Variants in DFFA observed in about 807,000 individuals in gnomAD.
DFFA encodes DNA fragmentation factor subunit alpha.
DFFA carries 14 observed loss-of-function variants against 28.0 expected under a neutral mutation model. The ratio of observed to expected loss-of-function variants is 0.50; its 90% CI spans 0.33 to 0.78. DFFA has a LOEUF of 0.78. Among genes scored for constraint, DFFA ranks in the 30% least tolerant of loss-of-function variants. DFFA has a pLI of 0.02. For missense variants in DFFA, 395 were observed against 407.1 expected (o/e 0.97, Z 0.26); for synonymous variants, 158 against 170.3 (o/e 0.93, Z 0.56).
chr1:10,463,354 C>T lies in DFFA; in HGVS notation c.631+77G>A. ...GCGGCTTCAGTGGCCCTGGCTACAT[C>T]ACAAATAGTGTCCTCCCAAGGGACG... On this transcript the variant is annotated intron_variant, in intron 4 of 5. Transcript: ENST00000377038. 3 of 1,554,908 alleles carry T rather than the reference C, an allele frequency of 1.9e-6. No individual in the cohort carries two copies. In the East Asian group the frequency reaches 6.8e-5, roughly 35 times the overall value.
At chr1:10,466,106 C>A (rs921253593) in intron 3 of DFFA, among the ~76,000 whole-genome samples, 13 of 152,046 alleles carry the variant, frequency 8.6e-5, no homozygotes, top group African/African-American at 4.8e-5. Flanking sequence ...TATGATCATG[C>A]CACTGCACTG....
chr1:10,460,091 A>G lies in DFFA; in HGVS notation c.*1399T>C, dbSNP rs1640905675. Reference sequence around the variant, plus strand: ...AAAACCCTGTCTCTACTAAAAATACAAAAATTAGCCGGGCATGGTGGCACG... The same window carrying G: ...AAAACCCTGTCTCTACTAAAAATACGAAAATTAGCCGGGCATGGTGGCACG... On this transcript the variant is annotated 3_prime_UTR_variant, in exon 6 of 6. Coordinates refer to ENST00000377038, the MANE Select transcript of DFFA (RefSeq NM_004401.3). 1 of 151,704 alleles carries G rather than the reference A, an allele frequency of 6.6e-6. No homozygotes were observed. Among genetic ancestry groups the G allele is most frequent in the Non-Finnish European group, 1.5e-5 (1 of 67,980 alleles). 9.4% of individuals were successfully genotyped at this position (151,704 alleles called of 1,614,324 possible). A position where few individuals can be genotyped will look rare whatever the true frequency, so the allele number is the denominator to read the frequency against.
intron 1 of DFFA, among the ~76,000 whole-genome samples, chr1:10,470,956 G>A (rs1279130219): frequency 2.7e-5 from 4 of 150,236 alleles, no homozygotes; most frequent in Admixed American, 6.6e-5. Flanking sequence ...CCAGCTACTC[G>A]GGAGGCTGAA....
intron 5 of DFFA, chr1:10,461,979 T>A (rs551300586): frequency 2.0e-6 from 1 of 509,320 alleles, no homozygotes; most frequent in Non-Finnish European, 2.5e-6. Context: ...CTCAGCCCCC[T>A]GAGTAGCTGG....
At chr1:10,462,141 A>G (rs567056631) in intron 5 of DFFA, among the ~76,000 whole-genome samples, 1 of 151,748 alleles carries the variant, frequency 6.6e-6, no homozygotes, top group Admixed American at 6.6e-5. Context: ...TACAGGCGTG[A>G]GCCACCGCGC....
rs1409576055 is a variant in DFFA, at chr1:10,461,154, C to T, written c.*336G>A. The T allele has an allele frequency of 9.6e-6, 2 of 208,056 alleles. No homozygotes were observed. The highest frequency in any genetic ancestry group is 2.0e-5 in the Non-Finnish European group (2 of 101,088). 12.9% of individuals were successfully genotyped at this position (208,056 alleles called of 1,614,324 possible). A position where few individuals can be genotyped will look rare whatever the true frequency, so the allele number is the denominator to read the frequency against. On this transcript the variant is annotated 3_prime_UTR_variant, in exon 6 of 6. Transcript: ENST00000377038. ...CTCGATCTCCTGACTTCACGATCCG[C>T]CCCCCTCGGCCTCCCAGTGCTGGGA...
chr1:10,470,213 A>C (rs913553861), intron 1 of DFFA, among the ~76,000 whole-genome samples: 7 of 152,162 alleles, frequency 4.6e-5, no homozygotes, highest in South Asian at 2.1e-4. Context: ...AGGCTCAGAG[A>C]GGTTAAGTAA....
rs1640870173 is a variant in DFFA at position 10,456,995 on chromosome 1, G to GTAAT, written c.*4494_*4495insATTA. The GTAAT allele has an allele frequency of 6.6e-6, 1 of 152,160 alleles. No homozygotes were observed. 9.4% of individuals were successfully genotyped at this position (152,160 alleles called of 1,614,324 possible). ...TGTGACCACGTTCATTACACATCTGGGATAGAGCTCTGACTCTTTGATAGA... is the reference window on the plus strand; with the variant it reads ...TGTGACCACGTTCATTACACATCTGGTAATGATAGAGCTCTGACTCTTTGATAGA... On this transcript the variant is annotated 3_prime_UTR_variant, in exon 6 of 6. Transcript: ENST00000377038.
At position 10,463,093 on chromosome 1, in the gene DFFA, C is replaced by T; in HGVS notation, c.748G>A (p.Ala250Thr). ...TGACTAGATAAGCTCAGCTCTGGAG[C>T]CTGCTTCTCCCTCAGTGCAGTAAGG... ...HILTALREKQ[A>T]PELSLSSQDL... Residue 250 changes from alanine to threonine, a missense_variant, in exon 5 of 6, where the codon GCT becomes ACT. Transcript: ENST00000377038. 3 of 1,614,128 alleles carry T rather than the reference C, an allele frequency of 1.9e-6. No homozygotes were observed. The highest frequency in any genetic ancestry group is 8.5e-7 in the Non-Finnish European group (1 of 1,180,030).
chr1:10,472,221 C>G lies in DFFA; in HGVS notation c.136+102G>C. The G allele has an allele frequency of 7.1e-7, 1 of 1,401,904 alleles. No individual in the cohort carries two copies. The highest frequency in any genetic ancestry group is 9.5e-7 in the Non-Finnish European group (1 of 1,052,560). 86.8% of individuals were successfully genotyped at this position (1,401,904 alleles called of 1,614,324 possible). A position where few individuals can be genotyped will look rare whatever the true frequency, so the allele number is the denominator to read the frequency against. ...CTGTCCCAAGCCTCCACCCGAGATA[C>G]AAGAATCCCCAAGTCGCCTCTCCTG... On this transcript the variant is annotated intron_variant, in intron 1 of 5. Transcript: ENST00000377038. This position sits in a 1 kb window ranked among gnomAD's most constrained non-coding sequence, Gnocchi z 5.0.
intron 3 of DFFA, 149 bp from the exon 4 acceptor site, chr1:10,463,769 A>G (rs2124341482): frequency 2.8e-6 from 2 of 711,508 alleles, no homozygotes; most frequent in Non-Finnish European, 4.3e-6. Context: ...GGTTCAAGCA[A>G]TTTTCCTGCC....
At position 10,469,317 on chromosome 1, in the gene DFFA, T is replaced by C. The variant is rs1338716319; in HGVS notation, c.158A>G (p.Asp53Gly). The C allele has an allele frequency of 5.0e-6, 8 of 1,613,764 alleles. No homozygotes were observed. Among genetic ancestry groups the C allele is most frequent in the Admixed American group, 1.7e-5 (1 of 59,902 alleles). The change falls in exon 2 of 6, where the codon GAT (aspartate) becomes GGT (glycine). Residue 53 changes from aspartate to glycine, a missense_variant. Physicochemically the swap from Asp to Gly is moderately conservative, Grantham distance 94 (BLOSUM62 -1). Transcript: ENST00000377038. ...CAGGGTGACTGGTGTCAGGGACTTA[T>C]CAATGGCCAGAATGTCACAGGCTGA... ...RSKACDILAI[D>G]KSLTPVTLVL...
intron 1 of DFFA, among the ~76,000 whole-genome samples, chr1:10,470,795 G>A (rs1641086952): frequency 6.7e-6 from 1 of 148,974 alleles, no homozygotes; most frequent in Non-Finnish European, 1.5e-5. Flanking sequence ...CAGGCACGGT[G>A]GCTCACGTCT....
chr1:10,462,363 C>T, intron 5 of DFFA: 4 of 915,384 alleles, frequency 4.4e-6, no homozygotes, highest in Non-Finnish European at 5.2e-6. Flanking sequence ...AACTCCTGAC[C>T]TCAGGTGATC....
At chr1:10,468,345 C>T (rs1641049935) in intron 2 of DFFA, among the ~76,000 whole-genome samples, 1 of 150,992 alleles carries the variant, frequency 6.6e-6, no homozygotes, top group South Asian at 2.1e-4. Context: ...CAGGAGACAT[C>T]TGACAATATC....
In DFFA at chr1:10,463,553, C is replaced by T. The variant is rs760334483; in HGVS notation, c.509G>A (p.Arg170Gln). The T allele has an allele frequency of 1.7e-5, 27 of 1,614,066 alleles. No individual in the cohort carries two copies. Among genetic ancestry groups the T allele is most frequent in the Admixed American group, 1.0e-4 (6 of 59,998 alleles). Reference protein sequence around the residue: ...ELRQSCATVQRLQHTLQQVLD... With the variant: ...ELRQSCATVQQLQHTLQQVLD... ...CACCTGTTGGAGTGTGTGCTGCAGC[C>T]GCTGGACGGTGGCACAACTCTGACG... is the stretch of plus-strand genomic sequence containing the variant. The change falls in exon 4 of 6, where the codon CGG (arginine) becomes CAG (glutamine). Residue 170 changes from arginine to glutamine, a missense_variant. Arg to Gln is a conservative substitution (Grantham distance 43). Transcript: ENST00000377038.
intron 3 of DFFA, among the ~76,000 whole-genome samples, 190 bp downstream of exon 3, chr1:10,467,000 G>A (rs934289650): frequency 6.7e-6 from 1 of 148,250 alleles, no homozygotes; most frequent in Non-Finnish European, 1.5e-5. Context: ...ATTCTGCTTC[G>A]TGACGAGGGT....
At chr1:10,471,857 C>A (rs1466173469) in intron 1 of DFFA, among the ~76,000 whole-genome samples, 1 of 152,198 alleles carries the variant, frequency 6.6e-6, no homozygotes, top group African/African-American at 2.4e-5. Flanking sequence ...CCGTCACTTA[C>A]AACTCACGTT....
chr1:10,464,326 T>A (rs1640993594), intron 3 of DFFA, among the ~76,000 whole-genome samples: 2 of 149,684 alleles, frequency 1.3e-5, no homozygotes, highest in Non-Finnish European at 3.0e-5. Flanking sequence ...TCTCCTGATC[T>A]TGTGATCCAC....
Sources: allele counts gnomAD v4.1 joint callset (sites outside exome capture counted in the v4.1 genomes callset), GRCh38; gene constraint gnomAD v4.1.1; non-coding constraint Gnocchi (gnomAD v3.1); transcripts MANE v1.5; gene names NCBI Gene and HGNC (gene_info 2026-07-23, HGNC 2026-07-21).